The following TMEM255B variants were observed in gnomAD, a reference collection of about 807,000 sequenced individuals.
TMEM255B encodes the protein family with sequence similarity 70, member B.
In TMEM255B, 35 loss-of-function variants were observed where a neutral mutation model predicts 34.5. The observed-to-expected ratio is 1.01, with a 90% CI of 0.77 to 1.34. TMEM255B has a LOEUF of 1.34. TMEM255B is among the 40% of genes most tolerant of loss of function. The probability of loss-of-function intolerance (pLI) is 0.00; values close to 1 mark genes in which losing one functional copy is unlikely to be tolerated. For missense variants in TMEM255B, 432 were observed against 433.2 expected (o/e 1.00, Z 0.02); for synonymous variants, 206 against 201.2 (o/e 1.02, Z -0.20).
rs561787818 is a variant in TMEM255B at position 113,794,593 on chromosome 13, G to C, written c.253-555G>C. On this transcript the variant is annotated intron_variant, in intron 3 of 8. Transcript: ENST00000375353. ...GGGTCCACGGGGATGGAGACTCCCT[G>C]CTAGTTTTTAGGGTTAGGGCAGGAC... Among the ~76,000 whole-genome samples, 15 of 152,120 alleles carry C rather than the reference G, an allele frequency of 9.9e-5. No individual in the cohort carries two copies. The South Asian group carries it at 3.1e-3, about 32-fold the overall frequency.
chr13:113,808,793 G>GGGC lies in TMEM255B; in HGVS notation c.814-2941_814-2940insCGG, dbSNP rs1555302331. Among the ~76,000 whole-genome samples the GGGC allele has an allele frequency of 5.0e-4, 8 of 16,092 alleles. 2 individuals carry two copies. The highest frequency in any genetic ancestry group is 3.7e-3 in the East Asian group (1 of 268). The allele number at this position is 16,092 out of a possible 152,430, so 10.6% of individuals were successfully genotyped here. A position where few individuals can be genotyped will look rare whatever the true frequency, so the allele number is the denominator to read the frequency against. ...CTGGCGGTGTAACTCTGTGGTTCCT[G>GGGC]GGGGGGGGGTTACTCCATGTTTCCT... On this transcript the variant is annotated intron_variant, in intron 8 of 8. Coordinates refer to ENST00000375353, the MANE Select transcript of TMEM255B (RefSeq NM_182614.4).
rs1475928780 is a variant in TMEM255B, at chr13:113,801,703, A to G, written c.560A>G (p.Gln187Arg). The G allele has an allele frequency of 4.3e-6, 7 of 1,612,190 alleles. No individual in the cohort carries two copies. The highest frequency in any genetic ancestry group is 5.9e-6 in the Non-Finnish European group (7 of 1,179,378). ...YYEFIGVSGCQDVLHLYRLLW... is the reference protein window; with the variant it reads ...YYEFIGVSGCRDVLHLYRLLW... ...GAGTTCATCGGCGTCAGCGGCTGCCAGGACGTGCTGCACCTGTACCGCCTG... is the reference window on the plus strand; with the variant it reads ...GAGTTCATCGGCGTCAGCGGCTGCCGGGACGTGCTGCACCTGTACCGCCTG... The change falls in exon 7 of 9, where the codon CAG becomes CGG. Residue 187 changes from glutamine to arginine, a missense_variant. Gln to Arg is a conservative substitution (Grantham distance 43, BLOSUM62 1). Coordinates refer to ENST00000375353, the MANE Select transcript of TMEM255B (RefSeq NM_182614.4).
At chr13:113,800,259 G>T (rs1264903434) in intron 5 of TMEM255B, among the ~76,000 whole-genome samples, 1 of 145,008 alleles carries the variant, frequency 6.9e-6, no homozygotes, top group African/African-American at 2.6e-5. Flanking sequence ...GTGTGTGTGT[G>T]TGTGGAGGTG....
At position 113,766,277 on chromosome 13, in the gene TMEM255B, G is replaced by T. The variant is rs780603374; in HGVS notation, c.189+20G>T. The T allele has an allele frequency of 6.2e-7, 1 of 1,613,440 alleles. No homozygotes were observed. The highest frequency in any genetic ancestry group is 1.3e-5 in the African/African-American group (1 of 75,064). On this transcript the variant is annotated intron_variant, in intron 2 of 8. Transcript: ENST00000375353. ...ATCATTGTGAGTGCGCCGGGCGGGC[G>T]GCCTGGGCCGGGGAGGGCAGGGTGG... is the stretch of plus-strand genomic sequence containing the variant.
intron 3 of TMEM255B, among the ~76,000 whole-genome samples, chr13:113,785,896 C>T (rs77068553): frequency 0.016 from 2,411 of 152,266 alleles, 73 homozygotes; most frequent in African/African-American, 0.055. Context: ...AGATGCTTCT[C>T]GGAGTGTTTT....
chr13:113,781,786 A>G (rs1380648563), intron 3 of TMEM255B, among the ~76,000 whole-genome samples: 1 of 152,216 alleles, frequency 6.6e-6, no homozygotes, highest in Non-Finnish European at 1.5e-5. Flanking sequence ...CCTTGTATAA[A>G]TTCTTTTATG....
chr13:113,784,513 G>C (rs2050710847), intron 3 of TMEM255B, among the ~76,000 whole-genome samples: 1 of 152,010 alleles, frequency 6.6e-6, no homozygotes, highest in South Asian at 2.1e-4. Flanking sequence ...AAGACAGAGA[G>C]AGAGAGAGAG....
intron 7 of TMEM255B, among the ~76,000 whole-genome samples, chr13:113,802,237 G>A (rs910709363): frequency 6.6e-6 from 1 of 152,226 alleles, no homozygotes; most frequent in African/African-American, 2.4e-5. Flanking sequence ...GGCAGGAGGA[G>A]GGAGGGAAGG....
intron 3 of TMEM255B, among the ~76,000 whole-genome samples, chr13:113,774,814 C>T (rs2050541581): frequency 6.6e-6 from 1 of 150,468 alleles, no homozygotes; most frequent in Admixed American, 6.6e-5. Flanking sequence ...ACACTACACA[C>T]ACCACCTACA....
In TMEM255B at chr13:113,811,784, G is replaced by C; in HGVS notation, c.862G>C (p.Glu288Gln). 8 of 1,613,902 alleles carry C rather than the reference G, an allele frequency of 5.0e-6. No homozygotes were observed. Among genetic ancestry groups the C allele is most frequent in the Non-Finnish European group, 6.8e-6 (8 of 1,179,892 alleles). Reference sequence around the variant, plus strand: ...GCCCTCCTCTGCCCTGGCTTCGTCTGAGGACCTGCAGCCCCCTTCTCCAAG... The same window carrying C: ...GCCCTCCTCTGCCCTGGCTTCGTCTCAGGACCTGCAGCCCCCTTCTCCAAG... ...VAPSSALASS[E>Q]DLQPPSPSSS... Residue 288 changes from glutamate to glutamine, a missense_variant, in exon 9 of 9, where the codon GAG (glutamate) becomes CAG (glutamine). Transcript: ENST00000375353.
In TMEM255B at chr13:113,769,061, A is replaced by C; in HGVS notation, c.190-37A>C. ...TCAGTGTTAAGCTTCTAGGCACGTT[A>C]ATGAGTGTTTCTCTCTCGTTCTTCC... On this transcript the variant is annotated intron_variant, in intron 2 of 8. Coordinates refer to ENST00000375353, the MANE Select transcript of TMEM255B (RefSeq NM_182614.4). This position sits in a 1 kb window ranked among gnomAD's most constrained non-coding sequence, Gnocchi z 4.2. The C allele has an allele frequency of 6.2e-7, 1 of 1,610,090 alleles. No homozygotes were observed. The highest frequency in any genetic ancestry group is 8.5e-7 in the Non-Finnish European group (1 of 1,176,372).
At chr13:113,779,122 A>T (rs929788052) in intron 3 of TMEM255B, among the ~76,000 whole-genome samples, 1 of 152,104 alleles carries the variant, frequency 6.6e-6, no homozygotes, top group Admixed American at 6.5e-5. Context: ...AGGGGAGTTT[A>T]TCTTGGGGTC....
chr13:113,816,947 G>A lies in TMEM255B; in HGVS notation c.*5044G>A, dbSNP rs1041885057. ...GGGCTGTGCTGGGATTAGCCCGGCTGTACATTTGCTTTATGCTTCCGTTGG... is the reference window on the plus strand; with the variant it reads ...GGGCTGTGCTGGGATTAGCCCGGCTATACATTTGCTTTATGCTTCCGTTGG... On this transcript the variant is annotated 3_prime_UTR_variant, in exon 9 of 9. Transcript: ENST00000375353. The A allele has an allele frequency of 2.0e-5, 3 of 152,146 alleles. No individual in the cohort carries two copies. The highest frequency in any genetic ancestry group is 2.9e-5 in the Non-Finnish European group (2 of 68,054). The allele number at this position is 152,146 out of a possible 1,614,324, so 9.4% of individuals were successfully genotyped here.
intron 3 of TMEM255B, among the ~76,000 whole-genome samples, chr13:113,787,382 T>A (rs950192787): frequency 1.3e-5 from 2 of 152,216 alleles, no homozygotes; most frequent in African/African-American, 4.8e-5. Context: ...CTTCAGTGTG[T>A]GGGGAAGGCT....
intron 3 of TMEM255B, among the ~76,000 whole-genome samples, chr13:113,773,999 T>TC (rs1185687664): frequency 6.6e-6 from 1 of 152,170 alleles, no homozygotes; most frequent in African/African-American, 2.4e-5. Flanking sequence ...AACACTTTTT[T>TC]CTCAATTTAT....
rs1295511930 is a variant in TMEM255B, at chr13:113,800,907, C to T, written c.504C>T (p.Cys168=). The change falls in exon 6 of 9, where the codon TGC becomes TGT. Residue 168 remains cysteine, a synonymous_variant. Transcript: ENST00000375353. ...GTTACTGCTGTGACCTCTATGCCTG[C>T]GGGAGGTGAGGGGCACCGGGGACCC... ...NTCYCCDLYA[C]GSAEPSPAYY... 23 of 1,215,566 alleles carry T rather than the reference C, an allele frequency of 1.9e-5. No homozygotes were observed. The highest frequency in any genetic ancestry group is 2.8e-4 in the Middle Eastern group (1 of 3,516). The allele number at this position is 1,215,566 out of a possible 1,614,324, so 75.3% of individuals were successfully genotyped here. A position where few individuals can be genotyped will look rare whatever the true frequency, so the allele number is the denominator to read the frequency against.
At chr13:113,779,727 T>C (rs1437771868) in intron 3 of TMEM255B, among the ~76,000 whole-genome samples, 3 of 152,046 alleles carry the variant, frequency 2.0e-5, no homozygotes, top group African/African-American at 7.3e-5. Flanking sequence ...GTTAGAAAAG[T>C]GGGGAAAAAG....
intron 3 of TMEM255B, among the ~76,000 whole-genome samples, chr13:113,788,057 G>T (rs2050772394): frequency 1.7e-5 from 1 of 58,802 alleles, no homozygotes. Flanking sequence ...AGTGGGGATG[G>T]GCAGAGGGGA....
At chr13:113,804,616 T>A (rs7318508) in intron 7 of TMEM255B, among the ~76,000 whole-genome samples, 3 of 109,990 alleles carry the variant, frequency 2.7e-5, no homozygotes, top group African/African-American at 3.5e-5. Flanking sequence ...GGGCCGGGGT[T>A]AGCTCCAGCC....
Sources: gnomAD v4.1 joint callset for allele counts (sites outside exome capture counted in the v4.1 genomes callset) on GRCh38, gnomAD v4.1.1 for gene constraint, Gnocchi (gnomAD v3.1) non-coding constraint, MANE v1.5 for transcripts, NCBI Gene and HGNC (gene_info 2026-07-23, HGNC 2026-07-21) for gene names.